Variants in BRINP3 observed in about 807,000 individuals in gnomAD.
BRINP3 encodes BMP/retinoic acid inducible neural specific 3.
In BRINP3, 19 loss-of-function variants were observed where a neutral mutation model predicts 71.0. The observed-to-expected ratio is 0.27, with a 90% confidence interval of 0.19 to 0.39. The LOEUF is 0.39. Ranked by LOEUF, BRINP3 falls within the 10% of genes least tolerant of loss-of-function variation. The pLI is 1.00. For missense variants in BRINP3, 959 were observed against 940.8 expected (o/e 1.02, Z -0.25); for synonymous variants, 380 against 337.7 (o/e 1.13, Z -1.37).
Position 190,301,156 on chromosome 1 carries a change from T to TATATAC in BRINP3, c.237-19407_237-19406insGTATAT, listed in dbSNP as rs1558160179. 3.9e-4 allele frequency among the ~76,000 whole-genome samples: 44 copies of TATATAC among 114,176 alleles called. No homozygotes were observed. In the East Asian group the frequency reaches 9.3e-3, roughly 24 times the overall value. 74.9% of individuals were successfully genotyped at this position (114,176 alleles called of 152,430 possible). On this transcript the variant is annotated intron_variant, in intron 2 of 7. Transcript: ENST00000367462. Reference sequence around the variant, plus strand: ...ATACATATATATATACACACATACATATATATATACATATATATACATATA... The same window carrying TATATAC: ...ATACATATATATATACACACATACATATATACATATATATACATATATATACATATA...
intron 2 of BRINP3, among the ~76,000 whole-genome samples, chr1:190,365,244 A>T (rs1003786974): frequency 1.3e-5 from 2 of 152,082 alleles, no homozygotes; most frequent in African/African-American, 2.4e-5. Context: ...TCCCCAGCAG[A>T]GATGACCACT....
intron 6 of BRINP3, among the ~76,000 whole-genome samples, chr1:190,185,945 GGTTT>G (rs1653477948): frequency 6.6e-6 from 1 of 151,968 alleles, no homozygotes; most frequent in South Asian, 2.1e-4. Flanking sequence ...AAAGGAAAGA[GGTTT>G]GTTTGAGATA....
intron 6 of BRINP3, among the ~76,000 whole-genome samples, chr1:190,194,562 A>C: frequency 6.6e-6 from 1 of 152,124 alleles, no homozygotes; most frequent in Non-Finnish European, 1.5e-5. Context: ...TGAAAACTAC[A>C]CTTTGTTTTC....
At chr1:190,293,995 T>G (rs948879238) in intron 2 of BRINP3, among the ~76,000 whole-genome samples, 1 of 152,084 alleles carries the variant, frequency 6.6e-6, no homozygotes, top group Non-Finnish European at 1.5e-5. Flanking sequence ...CCACAAAATT[T>G]TAATTGGAAC....
At chr1:190,150,573 T>A (rs2990997) in intron 7 of BRINP3, among the ~76,000 whole-genome samples, 57,379 of 152,000 alleles carry the variant, frequency 0.38, 11,082 homozygotes, top group African/African-American at 0.47. Context: ...GTACGACATC[T>A]TATTATTTAT....
chr1:190,220,548 A>T (rs1001982176), intron 6 of BRINP3, among the ~76,000 whole-genome samples: 10 of 152,080 alleles, frequency 6.6e-5, no homozygotes, highest in African/African-American at 9.7e-5. Context: ...AATTTTTTTT[A>T]AAAAAGAAGC....
intron 6 of BRINP3, among the ~76,000 whole-genome samples, chr1:190,205,141 T>C (rs112639542): frequency 2.3e-4 from 35 of 152,118 alleles, no homozygotes; most frequent in African/African-American, 8.4e-4. Flanking sequence ...TCAGTCTTGG[T>C]CTCAGATGGG....
chr1:190,427,056 T>A (rs1462603271), intron 2 of BRINP3, among the ~76,000 whole-genome samples: 3 of 151,902 alleles, frequency 2.0e-5, no homozygotes, highest in Non-Finnish European at 4.4e-5. Context: ...TTCTTTCTAG[T>A]GTTAAAGTGT....
chr1:190,300,369 C>T (rs977022995), intron 2 of BRINP3, among the ~76,000 whole-genome samples: 6 of 152,246 alleles, frequency 3.9e-5, no homozygotes, highest in South Asian at 2.1e-4. Context: ...GCATTCTTCA[C>T]GTAGTTCTCA....
rs145284843 is a variant in BRINP3 at position 190,183,476 on chromosome 1, T to C, written c.962-22586A>G. ...ATGACAGATTAAAGGCAGGTTAGCA[T>C]TGAAGTTTTAAGTTCCAAATTTGTC... is the stretch of plus-strand genomic sequence containing the variant. On this transcript the variant is annotated intron_variant, in intron 6 of 7. Coordinates refer to ENST00000367462, the MANE Select transcript of BRINP3 (RefSeq NM_199051.3). 4.7e-4 allele frequency among the ~76,000 whole-genome samples: 72 copies of C among 152,174 alleles called. No homozygotes were observed. In the East Asian group the frequency reaches 0.012, roughly 26 times the overall value.
chr1:190,175,468 T>C (rs1652421258), intron 6 of BRINP3, among the ~76,000 whole-genome samples: 2 of 152,192 alleles, frequency 1.3e-5, no homozygotes, highest in Non-Finnish European at 2.9e-5. Context: ...AATATATTAC[T>C]TAACTCATCC....
chr1:190,418,778 A>G (rs1253807571), intron 2 of BRINP3, among the ~76,000 whole-genome samples: 6 of 152,070 alleles, frequency 3.9e-5, no homozygotes, highest in African/African-American at 1.4e-4. Context: ...GTATGAAGGG[A>G]ATATTGTGAT....
At position 190,098,101 on chromosome 1, in the gene BRINP3, C is replaced by T; in HGVS notation, c.2218G>A (p.Val740Met). ...HRLKLSTSEVVRIQSALQAFN... is the reference protein window; with the variant it reads ...HRLKLSTSEVMRIQSALQAFN... The stretch of plus-strand genomic sequence containing the variant: ...GCCTGCAGAGCAGATTGGATCCTCA[C>T]CACCTCACTAGTAGACAGCTTGAGT... Residue 740 changes from valine to methionine, a missense_variant, in exon 8 of 8, where the codon GTG becomes ATG. Transcript: ENST00000367462. The T allele has an allele frequency of 6.2e-7, 1 of 1,614,174 alleles. No homozygotes were observed. Among genetic ancestry groups the T allele is most frequent in the South Asian group, 1.1e-5 (1 of 91,072 alleles).
At chr1:190,320,792 C>T (rs1284397621) in intron 2 of BRINP3, among the ~76,000 whole-genome samples, 1 of 151,946 alleles carries the variant, frequency 6.6e-6, no homozygotes, top group East Asian at 1.9e-4. Flanking sequence ...AAAACCCATG[C>T]AGATATGAGC....
chr1:190,174,449 CAT>C (rs1652310712), intron 6 of BRINP3, among the ~76,000 whole-genome samples: 2 of 152,026 alleles, frequency 1.3e-5, no homozygotes, highest in Non-Finnish European at 2.9e-5. Context: ...CACATACACA[CAT>C]GTACATTGGA....
intron 1 of BRINP3, among the ~76,000 whole-genome samples, chr1:190,464,297 T>G (rs1449270728): frequency 6.6e-6 from 1 of 151,944 alleles, no homozygotes; most frequent in Non-Finnish European, 1.5e-5. Context: ...CTTTTGAATT[T>G]CAAAGACAAA....
chr1:190,238,059 A>C (rs1003565684), intron 4 of BRINP3, among the ~76,000 whole-genome samples: 1 of 152,146 alleles, frequency 6.6e-6, no homozygotes, highest in African/African-American at 2.4e-5. Flanking sequence ...TGATACCTGC[A>C]TCTTGACAAA....
rs759809187 is a variant in BRINP3, at chr1:190,281,549, A to G, written c.427+11T>C. On this transcript the variant is annotated intron_variant, in intron 3 of 7. Coordinates refer to ENST00000367462, the MANE Select transcript of BRINP3 (RefSeq NM_199051.3). ...GCACACACAGGCACAAATAGGTTCA[A>G]AGAGCCGTACCTCCCAGAGTAGCAG... The G allele has an allele frequency of 1.2e-5, 20 of 1,610,382 alleles. No individual in the cohort carries two copies. Among genetic ancestry groups the G allele is most frequent in the Non-Finnish European group, 1.7e-5 (20 of 1,178,044 alleles).
intron 2 of BRINP3, among the ~76,000 whole-genome samples, chr1:190,301,128 TACATACATATATATATACAC>T (rs1336481162): frequency 6.8e-6 from 1 of 146,416 alleles, no homozygotes; most frequent in Non-Finnish European, 1.5e-5. Context: ...TTGATGGCTT[TACATACATATATATATACAC>T]ACATACATAT....
Sources: allele counts gnomAD v4.1 joint callset (sites outside exome capture counted in the v4.1 genomes callset), GRCh38; gene constraint gnomAD v4.1.1; transcripts MANE v1.5; gene names NCBI Gene and HGNC (gene_info 2026-07-23, HGNC 2026-07-21).